TSHZ2: variants seen among roughly 807,000 people sequenced by gnomAD.
TSHZ2 encodes the protein teashirt homolog 2.
Under a neutral mutation model 74.4 loss-of-function variants are expected in TSHZ2, and 21 were observed. That is an observed-to-expected ratio of 0.28 (90% CI 0.20 to 0.41). The LOEUF (loss-of-function observed/expected upper bound fraction) is 0.41. TSHZ2 is among the 10% of genes least tolerant of loss of function. The pLI is 1.00. For synonymous variants in TSHZ2, 540 were observed against 515.3 expected (o/e 1.05, Z -0.65); for missense variants, 1,244 against 1,293.5 (o/e 0.96, Z 0.59).
chr20:53,334,040 C>T (rs1257397734), intron 2 of TSHZ2, among the ~76,000 whole-genome samples: 2 of 152,162 alleles, frequency 1.3e-5, no homozygotes, highest in Non-Finnish European at 2.9e-5. Context: ...GCAGATATTC[C>T]CACACATCAG....
chr20:53,105,171 C>T (rs1178387947), intron 1 of TSHZ2, among the ~76,000 whole-genome samples: 12 of 152,170 alleles, frequency 7.9e-5, no homozygotes, highest in Non-Finnish European at 1.8e-4. Flanking sequence ...CCAAGATGCC[C>T]CAGACCCGGA....
intron 1 of TSHZ2, among the ~76,000 whole-genome samples, chr20:53,166,040 T>A (rs1988054751): frequency 6.6e-6 from 1 of 152,220 alleles, no homozygotes; most frequent in Non-Finnish European, 1.5e-5. Flanking sequence ...TCTTTGTTCC[T>A]GCAATGACTT....
At chr20:53,187,244 ATTATG>A (rs1988621833) in intron 1 of TSHZ2, among the ~76,000 whole-genome samples, 3 of 152,186 alleles carry the variant, frequency 2.0e-5, no homozygotes, top group African/African-American at 7.2e-5. Flanking sequence ...ACATTGCAGT[ATTATG>A]AGAATTCCTG....
At chr20:53,414,963 T>A (rs1354629093) in intron 2 of TSHZ2, among the ~76,000 whole-genome samples, 1 of 152,040 alleles carries the variant, frequency 6.6e-6, no homozygotes, top group Non-Finnish European at 1.5e-5. Context: ...AGAGGATTGA[T>A]TGAGATAATG....
intron 1 of TSHZ2, among the ~76,000 whole-genome samples, chr20:53,138,698 T>C (rs879136456): frequency 2.6e-5 from 4 of 152,210 alleles, no homozygotes; most frequent in Admixed American, 2.6e-4. Flanking sequence ...TTGAGAACCC[T>C]TCTCTAAGTC....
chr20:53,395,983 T>C (rs1356912850), intron 2 of TSHZ2, among the ~76,000 whole-genome samples: 1 of 152,240 alleles, frequency 6.6e-6, no homozygotes, highest in Non-Finnish European at 1.5e-5. Flanking sequence ...TTGCCCAGGC[T>C]GGAGTGCAGT....
At chr20:53,157,561 C>A (rs948078491) in intron 1 of TSHZ2, among the ~76,000 whole-genome samples, 1 of 152,060 alleles carries the variant, frequency 6.6e-6, no homozygotes, top group Non-Finnish European at 1.5e-5. Context: ...TGCGCACTAC[C>A]ATGCCACGCC....
chr20:53,204,355 TGA>T (rs1989106219), intron 1 of TSHZ2, among the ~76,000 whole-genome samples: 1 of 136,474 alleles, frequency 7.3e-6, no homozygotes, highest in Non-Finnish European at 1.5e-5. Flanking sequence ...CATGATGATA[TGA>T]TACTATATCA....
At chr20:53,450,619 G>A (rs576667895) in intron 2 of TSHZ2, among the ~76,000 whole-genome samples, 2 of 152,312 alleles carry the variant, frequency 1.3e-5, no homozygotes, top group South Asian at 4.1e-4. Context: ...CACCTTCTGT[G>A]CTCAAGCAGT....
intron 2 of TSHZ2, among the ~76,000 whole-genome samples, chr20:53,320,165 G>T (rs1421211966): frequency 6.6e-6 from 1 of 152,192 alleles, no homozygotes; most frequent in Non-Finnish European, 1.5e-5. Context: ...CGTACTGTGT[G>T]CCAGGCTTTG....
At chr20:53,426,368 G>A (rs1983656645) in intron 2 of TSHZ2, among the ~76,000 whole-genome samples, 1 of 151,892 alleles carries the variant, frequency 6.6e-6, no homozygotes, top group Non-Finnish European at 1.5e-5. Context: ...AGGTGACTGG[G>A]GGAGACCCTT....
At chr20:53,029,737 GAT>G (rs1309487507) in intron 1 of TSHZ2, among the ~76,000 whole-genome samples, 4 of 152,180 alleles carry the variant, frequency 2.6e-5, no homozygotes, top group African/African-American at 9.6e-5. Flanking sequence ...ATGTTGGAAA[GAT>G]GTGTGGCGAG....
intron 2 of TSHZ2, among the ~76,000 whole-genome samples, chr20:53,268,097 T>C (rs1600778771): frequency 1.3e-5 from 2 of 152,122 alleles, no homozygotes; most frequent in African/African-American, 4.8e-5. Flanking sequence ...CGGAGGCCTT[T>C]TCAGGAGAAA....
intron 2 of TSHZ2, among the ~76,000 whole-genome samples, chr20:53,281,863 C>T (rs1223173973): frequency 5.3e-5 from 8 of 152,312 alleles, no homozygotes; most frequent in Admixed American, 5.2e-4. Context: ...ATTGACTCCA[C>T]ATCAATCAGT....
In TSHZ2 at chr20:53,239,591, T is replaced by A. The variant is rs549808762; in HGVS notation, c.41-13908T>A. Among the ~76,000 whole-genome samples the A allele has an allele frequency of 5.9e-5, 9 of 152,238 alleles. No homozygotes were observed. In the East Asian group the frequency reaches 1.7e-3, roughly 29 times the overall value. ...GAAGACCTTGGGGAGGAGATGCCAT[T>A]TGAAGTGGCCTTGGAATTTGAAATC... is the stretch of plus-strand genomic sequence containing the variant. On this transcript the variant is annotated intron_variant, in intron 1 of 2. Transcript: ENST00000371497.
intron 1 of TSHZ2, among the ~76,000 whole-genome samples, chr20:53,113,955 C>T (rs1481825565): frequency 2.6e-5 from 4 of 151,912 alleles, no homozygotes; most frequent in Non-Finnish European, 1.5e-5. Context: ...AGTCAGGGCA[C>T]GGTGGCACAT....
At chr20:53,042,050 G>T (rs1217323690) in intron 1 of TSHZ2, among the ~76,000 whole-genome samples, 1 of 150,862 alleles carries the variant, frequency 6.6e-6, no homozygotes, top group Non-Finnish European at 1.5e-5. Context: ...ACCCAAATGT[G>T]GGAAAAAAAA....
At chr20:53,436,130 TGGG>T (rs1437427531) in intron 2 of TSHZ2, among the ~76,000 whole-genome samples, 4 of 106,512 alleles carry the variant, frequency 3.8e-5, no homozygotes, top group African/African-American at 1.3e-4. Flanking sequence ...TTTCTATGGC[TGGG>T]CTGTTTTTTG....
At position 53,343,273 on chromosome 20, in the gene TSHZ2, C is replaced by T. The variant is rs114251054; in HGVS notation, c.*8+86702C>T. ...TGAGCCACCGCACCGGGCCAGGACC[C>T]GTATTTCTAACAAGACGGCAGGTGC... On this transcript the variant is annotated intron_variant, in intron 2 of 2. Transcript: ENST00000371497. Among the ~76,000 whole-genome samples, 1,515 of 152,204 alleles carry T rather than the reference C, an allele frequency of 1.0e-2. 23 individuals carry two copies. Among genetic ancestry groups the T allele is most frequent in the African/African-American group, 0.035 (1,445 of 41,516 alleles).
Sources: gnomAD v4.1 joint callset for allele counts (sites outside exome capture counted in the v4.1 genomes callset) on GRCh38, gnomAD v4.1.1 for gene constraint, MANE v1.5 for transcripts, NCBI Gene and HGNC (gene_info 2026-07-23, HGNC 2026-07-21) for gene names.